The following CLEC12A variants were observed in gnomAD, a reference collection of about 807,000 sequenced individuals.
The protein encoded by CLEC12A is C-type lectin domain family 12 member A.
CLEC12A carries 22 observed loss-of-function variants against 26.5 expected under a neutral mutation model. The ratio of observed to expected loss-of-function variants is 0.83; its 90% CI spans 0.59 to 1.19. The LOEUF (loss-of-function observed/expected upper bound fraction) is 1.19, where lower values mean the gene tolerates loss of function less well. Among genes scored for constraint, CLEC12A ranks in the 50% most tolerant of loss-of-function variants. The pLI is 0.00. For synonymous variants in CLEC12A, 119 were observed against 101.9 expected (o/e 1.17, Z -1.01); for missense variants, 353 against 315.6 (o/e 1.12, Z -0.90).
At chr12:9,987,980 T>C (rs1379506311), downstream of CLEC12A, among the ~76,000 whole-genome samples, 2 of 152,094 alleles carry the variant, frequency 1.3e-5, no homozygotes, top group African/African-American at 4.8e-5. Flanking sequence ...GGCTAATTTT[T>C]GTATTTTTTG....
intron 1 of CLEC12A, among the ~76,000 whole-genome samples, chr12:9,957,023 C>T (rs1012684988): frequency 2.6e-5 from 4 of 152,074 alleles, no homozygotes; most frequent in African/African-American, 4.8e-5. Flanking sequence ...TTTTTGTTAT[C>T]GATATAAACC....
chr12:10,000,345 A>T (rs1405798946), downstream of CLEC12A, among the ~76,000 whole-genome samples: 1 of 152,188 alleles, frequency 6.6e-6, no homozygotes, highest in East Asian at 1.9e-4. Flanking sequence ...TTCACTTAAA[A>T]TTATCTTTCA....
In CLEC12A at chr12:9,979,012, G is replaced by T. The variant is rs1418574018; in HGVS notation, c.138G>T (p.Leu46=). 6.2e-7 allele frequency: 1 copy of T among 1,613,926 alleles called. No individual in the cohort carries two copies. The highest frequency in any genetic ancestry group is 8.5e-7 in the Non-Finnish European group (1 of 1,179,866). The stretch of plus-strand genomic sequence containing the variant: ...TATGGCGTCCAGCAGCCTTGTTTCT[G>T]ACTCTTCTGTGCCTTCTGTTGCTCA... ...SHVWRPAALF[L]TLLCLLLLIG... is the part of the protein sequence containing the mutation. Residue 46 remains leucine, a synonymous_variant, in exon 2 of 6, where the codon CTG becomes CTT. Transcript: ENST00000304361.
intron 3 of CLEC12A, 152 bp downstream of exon 3, chr12:9,979,676 T>G: frequency 1.6e-6 from 1 of 619,230 alleles, no homozygotes; most frequent in Non-Finnish European, 2.7e-6. Context: ...AATTCATTGA[T>G]ATTTCCACGC....
downstream of CLEC12A, chr12:9,999,052 G>C: frequency 6.2e-7 from 1 of 1,603,478 alleles, no homozygotes; most frequent in Non-Finnish European, 8.5e-7. Context: ...ATGAGAGCTG[G>C]TTTCCGAGTT....
intron 1 of CLEC12A, among the ~76,000 whole-genome samples, chr12:9,976,364 T>G (rs904452619): frequency 6.6e-6 from 1 of 152,200 alleles, no homozygotes; most frequent in African/African-American, 2.4e-5. Flanking sequence ...GGAGCCTACC[T>G]CTTGCATCAG....
rs1266577435 is a variant in CLEC12A, at chr12:9,963,453, C to A, written c.11-8124C>A. Among the ~76,000 whole-genome samples the A allele has an allele frequency of 4.2e-5, 6 of 141,518 alleles. No homozygotes were observed. In the East Asian group the frequency reaches 1.0e-3, roughly 23 times the overall value. The allele number at this position is 141,518 out of a possible 152,430, so 92.8% of individuals were successfully genotyped here. On this transcript the variant is annotated intron_variant, in intron 1 of 6. Coordinates refer to the CLEC12A transcript ENST00000355690. ...TAAAGTTTGTGATATGTCTGTGATG[C>A]TAGCAGAGAAGACACTAGAGAGGCT... is the stretch of plus-strand genomic sequence containing the variant.
intron 1 of CLEC12A, chr12:9,952,130 T>G (rs1863623220): frequency 8.2e-6 from 1 of 121,500 alleles, no homozygotes; most frequent in Non-Finnish European, 1.7e-5. Flanking sequence ...TCCCTCTCCC[T>G]CTCCCTCTCC....
Position 9,985,365 on chromosome 12 carries a change from A to G in CLEC12A, c.*339A>G. The G allele has an allele frequency of 2.5e-6, 1 of 399,838 alleles. No individual in the cohort carries two copies. Among genetic ancestry groups the G allele is most frequent in the Non-Finnish European group, 4.4e-6 (1 of 227,358 alleles). 24.8% of individuals were successfully genotyped at this position (399,838 alleles called of 1,614,324 possible). On this transcript the variant is annotated 3_prime_UTR_variant, in exon 6 of 6. Coordinates refer to ENST00000304361, the MANE Select transcript of CLEC12A (RefSeq NM_138337.6). ...AAGATTTGCCAGAGGCAACATCAAA[A>G]ACCAGCAAATTTTAATTTTGTCCCA...
At chr12:9,963,867 T>C (rs940034378) in intron 1 of CLEC12A, among the ~76,000 whole-genome samples, 3 of 152,146 alleles carry the variant, frequency 2.0e-5, no homozygotes, top group Non-Finnish European at 4.4e-5. Flanking sequence ...TGGGGACTGG[T>C]GGGGTAACTG....
intron 5 of CLEC12A, among the ~76,000 whole-genome samples, chr12:9,982,754 T>C (rs1864611974): frequency 6.6e-6 from 1 of 152,174 alleles, no homozygotes; most frequent in South Asian, 2.1e-4. Flanking sequence ...GTGTACACTG[T>C]ACCCAACAGG....
At chr12:9,996,671 T>C, downstream of CLEC12A, 1 of 729,188 alleles carries the variant, frequency 1.4e-6, no homozygotes, top group East Asian at 2.7e-5. Context: ...TTGTAGAATA[T>C]TATGAGTGGA....
downstream of CLEC12A, among the ~76,000 whole-genome samples, chr12:9,989,366 T>TA (rs34124197): frequency 0.93 from 139,719 of 150,580 alleles, 64,872 homozygotes; most frequent in East Asian, 1. Context: ...AGTATAATAA[T>TA]AAAAAAAAAG....
At chr12:9,986,231 C>T (rs576031), downstream of CLEC12A, 241,558 of 407,232 alleles carry the variant, frequency 0.59, 73,413 homozygotes, top group East Asian at 0.9. Context: ...TGCGTCAGAA[C>T]AGAAAAAGGA....
chr12:9,985,741 C>A, downstream of CLEC12A: 1 of 329,318 alleles, frequency 3.0e-6, no homozygotes, highest in Non-Finnish European at 5.4e-6. Flanking sequence ...CTCCATAACT[C>A]ATAACTGGGA....
At chr12:9,973,273 G>T (rs899908296) in intron 1 of CLEC12A, among the ~76,000 whole-genome samples, 1 of 151,940 alleles carries the variant, frequency 6.6e-6, no homozygotes, top group African/African-American at 2.4e-5. Flanking sequence ...CCAGCCTGGG[G>T]AAAGTAGAGA....
At chr12:9,980,816 T>C (rs1226950004) in intron 4 of CLEC12A, 83 bp downstream of exon 4, 2 of 1,432,160 alleles carry the variant, frequency 1.4e-6, no homozygotes. Flanking sequence ...CACTCATGAT[T>C]CTGGTTTATT....
chr12:9,972,133 A>G (rs1864155066), intron 1 of CLEC12A, among the ~76,000 whole-genome samples: 1 of 152,018 alleles, frequency 6.6e-6, no homozygotes, highest in Non-Finnish European at 1.5e-5. Context: ...ACTATCTACC[A>G]AACTAAGCAT....
downstream of CLEC12A, chr12:9,997,044 G>C (rs1473350073): frequency 1.2e-6 from 2 of 1,610,018 alleles, no homozygotes; most frequent in Non-Finnish European, 8.5e-7. Context: ...TTCTAAATTG[G>C]GCTTACATTT....
Sources: gnomAD v4.1 joint callset for allele counts (sites outside exome capture counted in the v4.1 genomes callset) on GRCh38, gnomAD v4.1.1 for gene constraint, MANE v1.5 for transcripts, NCBI Gene and HGNC (gene_info 2026-07-23, HGNC 2026-07-21) for gene names.